ZC3H6: variants seen among roughly 807,000 people sequenced by gnomAD.
ZC3H6 encodes the protein zinc finger CCCH-type containing 6, also known as zinc finger CCCH domain-containing protein 6.
A neutral mutation model predicts 107.7 loss-of-function variants in ZC3H6; 40 were observed. That is an observed-to-expected ratio of 0.37 (90% CI 0.29 to 0.48). The LOEUF (loss-of-function observed/expected upper bound fraction) is 0.48, where lower values mean the gene tolerates loss of function less well. Ranked by LOEUF, ZC3H6 falls within the 20% of genes least tolerant of loss-of-function variation. The probability of loss-of-function intolerance (pLI) is 0.98; values close to 1 mark genes in which losing one functional copy is unlikely to be tolerated. For synonymous variants in ZC3H6, 493 were observed against 487.9 expected (o/e 1.01, Z -0.14); for missense variants, 1,267 against 1,410.4 (o/e 0.90, Z 1.63).
chr2:112,289,733 T>A (rs998352964), intron 1 of ZC3H6, among the ~76,000 whole-genome samples: 1 of 133,648 alleles, frequency 7.5e-6, no homozygotes, highest in Non-Finnish European at 1.6e-5. Context: ...TTTTTACCGT[T>A]TTTTGTTTGT....
chr2:112,290,149 T>C (rs1558947094), intron 1 of ZC3H6, among the ~76,000 whole-genome samples: 1 of 152,232 alleles, frequency 6.6e-6, no homozygotes, highest in Non-Finnish European at 1.5e-5. Flanking sequence ...TAACTCCAAA[T>C]CCCATACTGT....
chr2:112,305,857 C>T (rs1676468872), intron 3 of ZC3H6, among the ~76,000 whole-genome samples: 1 of 152,162 alleles, frequency 6.6e-6, no homozygotes, highest in South Asian at 2.1e-4. Context: ...GTATATCTTT[C>T]ATCCAGATTC....
chr2:112,331,069 G>A lies in ZC3H6; in HGVS notation c.2151G>A (p.Leu717=), dbSNP rs371407327. The change falls in exon 12 of 12, where the codon CTG becomes CTA. Residue 717 remains leucine, a synonymous_variant. Coordinates refer to ENST00000409871, the MANE Select transcript of ZC3H6 (RefSeq NM_198581.3). The part of the protein sequence containing the change: ...EEEGSSVKSI[L]KTLQKQTETL... ...AAGGAAGCAGTGTCAAATCAATACT[G>A]AAAACATTACAGAAACAAACAGAAA... 1.9e-4 allele frequency: 300 copies of A among 1,593,144 alleles called. 3 individuals carry two copies. In the South Asian group the frequency reaches 2.9e-3, roughly 15 times the overall value.
chr2:112,277,599 A>G (rs1261755214), intron 1 of ZC3H6, among the ~76,000 whole-genome samples: 4 of 152,212 alleles, frequency 2.6e-5, no homozygotes, highest in Non-Finnish European at 5.9e-5. Flanking sequence ...AGAAAACTTT[A>G]AAGAATTATT....
At position 112,324,607 on chromosome 2, in the gene ZC3H6, A is replaced by G. The variant is rs1676872404; in HGVS notation, c.1796A>G (p.Asp599Gly). 1 of 1,611,256 alleles carries G rather than the reference A, an allele frequency of 6.2e-7. No individual in the cohort carries two copies. The highest frequency in any genetic ancestry group is 8.5e-7 in the Non-Finnish European group (1 of 1,178,486). The change falls in exon 10 of 12, where the codon GAT becomes GGT. Residue 599 changes from aspartate (D) to glycine (G), a missense_variant. Around this residue, in one of 3 missense-constraint regions of ZC3H6, gnomAD observed 925 missense variants for 1,025.7 expected, o/e 0.90. Transcript: ENST00000409871. ...CTGCAAAACCCAGCTGAGTTTTACG[A>G]TAATTACTATGCACAGCATTCTATA... ...ESLQNPAEFYDNYYAQHSIHN... is the reference protein window; with the variant it reads ...ESLQNPAEFYGNYYAQHSIHN...
At chr2:112,295,367 A>G (rs148848455) in intron 1 of ZC3H6, among the ~76,000 whole-genome samples, 17 of 152,348 alleles carry the variant, frequency 1.1e-4, no homozygotes, top group African/African-American at 3.4e-4. Flanking sequence ...CAGCTCTTAT[A>G]TAATAGTATT....
At chr2:112,297,913 G>C (rs1054612887) in intron 1 of ZC3H6, among the ~76,000 whole-genome samples, 3 of 152,148 alleles carry the variant, frequency 2.0e-5, no homozygotes, top group African/African-American at 4.8e-5. Flanking sequence ...TCAGGAGTTT[G>C]AGACCAGTCT....
chr2:112,330,054 G>C (rs1300719969), intron 11 of ZC3H6, among the ~76,000 whole-genome samples: 1 of 148,738 alleles, frequency 6.7e-6, no homozygotes, highest in African/African-American at 2.4e-5. Flanking sequence ...TAGGATGGTA[G>C]GTTTTTTTTT....
chr2:112,314,025 T>TC (rs1676643495), intron 5 of ZC3H6, among the ~76,000 whole-genome samples: 1 of 152,212 alleles, frequency 6.6e-6, no homozygotes, highest in Non-Finnish European at 1.5e-5. Flanking sequence ...AATATTATTT[T>TC]CCTGGTAGAT....
chr2:112,299,903 A>G lies in ZC3H6; in HGVS notation c.87A>G (p.Ile29Met). 1.3e-6 allele frequency: 2 copies of G among 1,505,766 alleles called. No homozygotes were observed. Among genetic ancestry groups the G allele is most frequent in the Non-Finnish European group, 1.8e-6 (2 of 1,128,468 alleles). The allele number at this position is 1,505,766 out of a possible 1,614,324, so 93.3% of individuals were successfully genotyped here. Residue 29 changes from isoleucine to methionine, a missense_variant, in exon 2 of 12, where the codon ATA (isoleucine) becomes ATG (methionine). By Grantham distance (10) the Ile-to-Met change is conservative. This residue lies in a region of ZC3H6 where 337 missense variants were observed against 361.2 expected (regional missense o/e 0.93). Coordinates refer to ENST00000409871, the MANE Select transcript of ZC3H6 (RefSeq NM_198581.3). The part of the protein sequence containing the change: ...GEIDDAGFEE[I>M]QEKEAKENEK... ...TAGACGATGCAGGATTTGAAGAAAT[A>G]CAAGAAAAAGAAGCAAAAGAGAATG...
At chr2:112,303,177 A>C in intron 2 of ZC3H6, 52 bp from the exon 3 acceptor site, 1 of 1,570,560 alleles carries the variant, frequency 6.4e-7, no homozygotes, top group Middle Eastern at 1.7e-4. Flanking sequence ...ATTACTAGTT[A>C]AATTTTCTTC....
Position 112,307,711 on chromosome 2 carries a change from C to G in ZC3H6, c.337-2174C>G, listed in dbSNP as rs769671583. Among the ~76,000 whole-genome samples the G allele has an allele frequency of 5.9e-5, 9 of 152,248 alleles. No homozygotes were observed. In the South Asian group the frequency reaches 6.2e-4, roughly 11 times the overall value. ...ATGTGAAGGACCTTAGCAGTCCACACTAGAAGTCTTTAACCACAAAAGGAG... is the reference window on the plus strand; with the variant it reads ...ATGTGAAGGACCTTAGCAGTCCACAGTAGAAGTCTTTAACCACAAAAGGAG... On this transcript the variant is annotated intron_variant, in intron 3 of 11. Coordinates refer to ENST00000409871, the MANE Select transcript of ZC3H6 (RefSeq NM_198581.3).
intron 1 of ZC3H6, among the ~76,000 whole-genome samples, chr2:112,298,052 T>C (rs1676275448): frequency 6.6e-6 from 1 of 152,182 alleles, no homozygotes; most frequent in Middle Eastern, 3.2e-3. Context: ...AGGTGGAGGT[T>C]GCAGTGAGCT....
At chr2:112,321,911 T>C in intron 8 of ZC3H6, 46 bp downstream of exon 8, 1 of 857,052 alleles carries the variant, frequency 1.2e-6, no homozygotes, top group Middle Eastern at 2.6e-4. Flanking sequence ...CACAAATACA[T>C]TTGACTTGAA....
intron 7 of ZC3H6, among the ~76,000 whole-genome samples, chr2:112,320,547 G>T (rs551966612): frequency 2.0e-5 from 3 of 152,190 alleles, no homozygotes; most frequent in South Asian, 2.1e-4. Context: ...AAAAAATGTT[G>T]TAATAGTCTC....
Position 112,275,829 on chromosome 2 carries a change from C to CTT in ZC3H6, c.-165_-164insTT. 1.9e-6 allele frequency: 1 copy of CTT among 540,454 alleles called. No homozygotes were observed. The allele number at this position is 540,454 out of a possible 1,614,324, so 33.5% of individuals were successfully genotyped here. ...CGTGGTTGTTAATAGACTGGAAAGT[C>CTT]TGTGTCTGTGTCGCTCACTAGTAAC... On this transcript the variant is annotated 5_prime_UTR_variant, in exon 1 of 12. Coordinates refer to ENST00000409871, the MANE Select transcript of ZC3H6 (RefSeq NM_198581.3).
intron 1 of ZC3H6, among the ~76,000 whole-genome samples, chr2:112,291,926 C>T (rs1229355815): frequency 6.6e-6 from 1 of 152,126 alleles, no homozygotes; most frequent in East Asian, 1.9e-4. Flanking sequence ...CCATGTTGAC[C>T]AGGCTGGTCT....
intron 1 of ZC3H6, among the ~76,000 whole-genome samples, chr2:112,287,304 A>G (rs1465352625): frequency 6.6e-6 from 1 of 152,128 alleles, no homozygotes; most frequent in East Asian, 1.9e-4. Context: ...TAGATACCCA[A>G]GAGAGTAAAT....
intron 1 of ZC3H6, among the ~76,000 whole-genome samples, chr2:112,278,023 C>T (rs1686458461): frequency 2.0e-5 from 3 of 152,114 alleles, no homozygotes; most frequent in Admixed American, 2.0e-4. Context: ...TTGAGAACCG[C>T]TATACTCGAT....
Sources: allele counts gnomAD v4.1 joint callset (sites outside exome capture counted in the v4.1 genomes callset), GRCh38; gene constraint gnomAD v4.1.1; regional missense constraint gnomAD v4.1.1; transcripts MANE v1.5; gene names NCBI Gene and HGNC (gene_info 2026-07-23, HGNC 2026-07-21).